The following CENPT variants were observed in gnomAD, a reference collection of about 807,000 sequenced individuals.
The protein encoded by CENPT is interphase centromere complex protein 22.
Under a neutral mutation model 59.7 loss-of-function variants are expected in CENPT, and 42 were observed. The ratio of observed to expected loss-of-function variants is 0.70; its 90% CI spans 0.55 to 0.91. The LOEUF is 0.91. Ranked by LOEUF, CENPT falls within the 40% of genes least tolerant of loss-of-function variation. CENPT has a pLI of 0.00. For synonymous variants in CENPT, 295 were observed against 289.6 expected, an observed-to-expected ratio of 1.02 and a Z score of -0.19; for missense variants, 716 against 713.4, an observed-to-expected ratio of 1.00 and a Z score of -0.04.
intron 1 of CENPT, among the ~76,000 whole-genome samples, chr16:67,837,386 C>T (rs2057740199): frequency 6.6e-6 from 1 of 150,452 alleles, no homozygotes. Context: ...GTTGCCCAGG[C>T]TGGTCAAACA....
intron 1 of CENPT, among the ~76,000 whole-genome samples, chr16:67,840,479 A>C (rs918107856): frequency 1.3e-5 from 2 of 152,046 alleles, no homozygotes; most frequent in East Asian, 3.8e-4. Context: ...ATCCTTAGCA[A>C]ACTAATGCAG....
rs762970991 is a variant in CENPT, at chr16:67,829,906, C to T, written c.1045G>A (p.Ala349Thr). 2 of 1,614,254 alleles carry T rather than the reference C, an allele frequency of 1.2e-6. No homozygotes were observed. Among genetic ancestry groups the T allele is most frequent in the South Asian group, 2.2e-5 (2 of 91,090 alleles). ...EEGVSVSEMEATGAQGPSRVE... is the reference protein window; with the variant it reads ...EEGVSVSEMETTGAQGPSRVE... Reference sequence around the variant, plus strand: ...CTGCTGGGTCCTTGTGCTCCTGTTGCCTCCATTTCACTCACACTCACACCT... The same window carrying T: ...CTGCTGGGTCCTTGTGCTCCTGTTGTCTCCATTTCACTCACACTCACACCT... Residue 349 changes from alanine (A) to threonine (T), a missense_variant, in exon 12 of 16, where the codon GCA (alanine) becomes ACA (threonine). By Grantham distance (58) the Ala-to-Thr change is moderately conservative. Transcript: ENST00000562787.
intron 8 of CENPT, 42 bp downstream of exon 8, chr16:67,831,712 A>T: frequency 6.3e-7 from 1 of 1,593,290 alleles, no homozygotes; most frequent in South Asian, 1.1e-5. Context: ...TCTCCAGAGG[A>T]CAGGAGGGAG....
rs149782764 is a variant in CENPT at position 67,842,969 on chromosome 16, A to G, written c.-492+4432T>C. Reference sequence around the variant, plus strand: ...GCAGCAGTCCTCACCCTCTGCCTCCACTGCCCAGACTGCCCAGCTGCAGCC... The same window carrying G: ...GCAGCAGTCCTCACCCTCTGCCTCCGCTGCCCAGACTGCCCAGCTGCAGCC... On this transcript the variant is annotated intron_variant, in intron 1 of 15. Transcript: ENST00000562787. The surrounding 1 kb of genome is among the most constrained non-coding windows in gnomAD (Gnocchi z 4.9). 17 of 1,607,714 alleles carry G rather than the reference A, an allele frequency of 1.1e-5. No homozygotes were observed. The African/African-American group carries it at 2.1e-4, about 20-fold the overall frequency.
intron 4 of CENPT, among the ~76,000 whole-genome samples, 171 bp from the exon 5 acceptor site, chr16:67,832,716 G>T (rs547982571): frequency 1.3e-5 from 2 of 152,244 alleles, no homozygotes; most frequent in Admixed American, 1.3e-4. Context: ...GTCACCAGCA[G>T]TGTGGACCGA....
In CENPT at chr16:67,829,403, A is replaced by C; in HGVS notation, c.1280+20T>G. ...TCCCTTCCCAAGAGGCCCATGAGGA[A>C]TGGGGTTGTGGGATCTTACACTGCA... On this transcript the variant is annotated intron_variant, in intron 13 of 15. Coordinates refer to ENST00000562787, the MANE Select transcript of CENPT (RefSeq NM_025082.4). The C allele has an allele frequency of 1.3e-6, 2 of 1,568,188 alleles. No individual in the cohort carries two copies. Among genetic ancestry groups the C allele is most frequent in the Non-Finnish European group, 1.7e-6 (2 of 1,156,376 alleles).
In CENPT at chr16:67,832,052, G is replaced by A; in HGVS notation, c.346C>T (p.Gln116Ter). The A allele has an allele frequency of 6.2e-7, 1 of 1,611,410 alleles. No individual in the cohort carries two copies. The highest frequency in any genetic ancestry group is 8.5e-7 in the Non-Finnish European group (1 of 1,178,248). ...ESVVKPVPAP[Q>*]AVQPSRQESS... is the part of the protein sequence containing the mutation. ...TCTTGTCTGGAGGGTTGGACCGCCTGCGGTGCTGGCACTGGCTTCACTACC... is the reference window on the plus strand; with the variant it reads ...TCTTGTCTGGAGGGTTGGACCGCCTACGGTGCTGGCACTGGCTTCACTACC... The change falls in exon 7 of 16, where the codon CAG (glutamine) becomes TAG (stop). Residue 116 changes from glutamine (Q) to a stop codon, truncating the protein, a stop_gained. Transcript: ENST00000562787. LOFTEE classifies it high-confidence loss of function.
Position 67,833,836 on chromosome 16 carries a change from G to A in CENPT, c.24C>T (p.Ser8=). The change falls in exon 4 of 16, where the codon AGC becomes AGT. Residue 8 remains serine, a synonymous_variant. Transcript: ENST00000562787. ...GCAGCAGCGTGCGCGGCGTGGAGTC[G>A]CTGTCAGGGTTGTGGTCAGCCATCG... The part of the protein sequence containing the change: MADHNPD[S]DSTPRTLLRR... The A allele has an allele frequency of 1.3e-6, 2 of 1,568,796 alleles. No homozygotes were observed. The highest frequency in any genetic ancestry group is 1.7e-6 in the Non-Finnish European group (2 of 1,159,950).
chr16:67,831,431 C>A lies in CENPT; in HGVS notation c.561-73G>T, dbSNP rs1047046407. On this transcript the variant is annotated intron_variant, in intron 9 of 15. Coordinates refer to ENST00000562787, the MANE Select transcript of CENPT (RefSeq NM_025082.4). ...GTTTGCCCACAGATCCCTCCATCTG[C>A]CCTGGGGCTCTCATCTCTTAGAACA... 80 of 1,577,972 alleles carry A rather than the reference C, an allele frequency of 5.1e-5. 2 individuals are homozygous for A. In the South Asian group the frequency reaches 8.9e-4, roughly 17 times the overall value.
rs769004074 is a variant in CENPT, at chr16:67,843,177, C to T, written c.-492+4224G>A. 3.7e-6 allele frequency: 6 copies of T among 1,610,898 alleles called. No individual in the cohort carries two copies. Among genetic ancestry groups the T allele is most frequent in the Non-Finnish European group, 5.1e-6 (6 of 1,179,554 alleles). On this transcript the variant is annotated intron_variant, in intron 1 of 15. Coordinates refer to ENST00000562787, the MANE Select transcript of CENPT (RefSeq NM_025082.4). This position sits in a 1 kb window ranked among gnomAD's most constrained non-coding sequence, Gnocchi z 5.7. Reference sequence around the variant, plus strand: ...GAGGGCGCAGCCGCTGCGGCCGCCGCGTCGGAGTTACAGGCTGCTACCGCA... The same window carrying T: ...GAGGGCGCAGCCGCTGCGGCCGCCGTGTCGGAGTTACAGGCTGCTACCGCA...
At chr16:67,836,103 G>A (rs1035082787) in intron 1 of CENPT, among the ~76,000 whole-genome samples, 12 of 150,626 alleles carry the variant, frequency 8.0e-5, no homozygotes, top group African/African-American at 2.0e-4. Flanking sequence ...TTTGTTGCCC[G>A]GGATGGAGTG....
In CENPT at chr16:67,835,206, C is replaced by A. The variant is rs2057728036; in HGVS notation, c.-276G>T. On this transcript the variant is annotated 5_prime_UTR_variant, in exon 3 of 16. Transcript: ENST00000562787. ...TTAGTGTTTTCCTCCGTATTTTTCACTGGTTGACAATCCTCTCACCTTAAG... is the reference window on the plus strand; with the variant it reads ...TTAGTGTTTTCCTCCGTATTTTTCAATGGTTGACAATCCTCTCACCTTAAG... The A allele has an allele frequency of 6.6e-6, 1 of 152,190 alleles. No homozygotes were observed. Among genetic ancestry groups the A allele is most frequent in the African/African-American group, 2.4e-5 (1 of 41,448 alleles). 9.4% of individuals were successfully genotyped at this position (152,190 alleles called of 1,614,324 possible).
Position 67,842,893 on chromosome 16 carries a change from A to ACAG in CENPT, c.-492+4505_-492+4507dup, listed in dbSNP as rs775638390. On this transcript the variant is annotated intron_variant, in intron 1 of 15. Coordinates refer to ENST00000562787, the MANE Select transcript of CENPT (RefSeq NM_025082.4). This position sits in a 1 kb window ranked among gnomAD's most constrained non-coding sequence, Gnocchi z 4.9. Reference sequence around the variant, plus strand: ...AGCAGCAACAGCAGCAGCAGCAGCAACAGCAGCAACAGCAGCAGCAGCAGC... The same window carrying ACAG: ...AGCAGCAACAGCAGCAGCAGCAGCAACAGCAGCAGCAACAGCAGCAGCAGCAGC... 5.7e-6 allele frequency: 9 copies of ACAG among 1,585,442 alleles called. No homozygotes were observed. The highest frequency in any genetic ancestry group is 2.3e-5 in the East Asian group (1 of 44,366).
Position 67,843,228 on chromosome 16 carries a change from T to C in CENPT, c.-492+4173A>G, listed in dbSNP as rs750096076. ...GGGCTGGAGGCTGCCGAGTGCCCTA[T>C]GGGCCCCCAGTTGGTGGTGGTAGGG... is the stretch of plus-strand genomic sequence containing the variant. On this transcript the variant is annotated intron_variant, in intron 1 of 15. Transcript: ENST00000562787. This position sits in a 1 kb window ranked among gnomAD's most constrained non-coding sequence, Gnocchi z 5.7. 6.2e-7 allele frequency: 1 copy of C among 1,612,038 alleles called. No homozygotes were observed. Among genetic ancestry groups the C allele is most frequent in the South Asian group, 1.1e-5 (1 of 91,072 alleles).
intron 1 of CENPT, among the ~76,000 whole-genome samples, chr16:67,845,113 G>GA (rs1352422081): frequency 2.6e-5 from 4 of 152,094 alleles, no homozygotes; most frequent in Admixed American, 2.6e-4. Flanking sequence ...ATTGAATATT[G>GA]AAGGGGCAAG....
intron 1 of CENPT, chr16:67,844,169 CAAATT>C (rs753006554): frequency 1.1e-4 from 18 of 166,668 alleles, no homozygotes; most frequent in Admixed American, 2.6e-4. Context: ...TTTGGCAAAA[CAAATT>C]AAACAAAAAG....
rs1269166131 is a variant in CENPT, at chr16:67,842,453, C to T, written c.-492+4948G>A. ...GCAGTGGTGGGATACCACCCAAGGC[C>T]TCGCGCGGCGCCGCCCGTCGAGGGG... On this transcript the variant is annotated intron_variant, in intron 1 of 15. Coordinates refer to ENST00000562787, the MANE Select transcript of CENPT (RefSeq NM_025082.4). This position sits in a 1 kb window ranked among gnomAD's most constrained non-coding sequence, Gnocchi z 4.9. 11 of 973,168 alleles carry T rather than the reference C, an allele frequency of 1.1e-5. No individual in the cohort carries two copies. The highest frequency in any genetic ancestry group is 1.5e-5 in the Non-Finnish European group (11 of 755,130). 60.3% of individuals were successfully genotyped at this position (973,168 alleles called of 1,614,324 possible).
At chr16:67,844,865 T>G (rs1403183478) in intron 1 of CENPT, among the ~76,000 whole-genome samples, 2 of 152,032 alleles carry the variant, frequency 1.3e-5, no homozygotes, top group Non-Finnish European at 2.9e-5. Flanking sequence ...CTCAGCTCAC[T>G]GCAACCTCTG....
intron 1 of CENPT, among the ~76,000 whole-genome samples, chr16:67,838,952 T>A (rs970588002): frequency 6.8e-6 from 1 of 146,098 alleles, no homozygotes; most frequent in African/African-American, 2.5e-5. Context: ...AAAAAAAAAA[T>A]TTAAGCATGT....
Sources: allele counts gnomAD v4.1 joint callset (sites outside exome capture counted in the v4.1 genomes callset), GRCh38; gene constraint gnomAD v4.1.1; non-coding constraint Gnocchi (gnomAD v3.1); transcripts MANE v1.5; gene names NCBI Gene and HGNC (gene_info 2026-07-23, HGNC 2026-07-21).